Variants in MAP3K4 observed in about 807,000 individuals in gnomAD.
The protein encoded by MAP3K4 is mitogen-activated protein kinase kinase kinase 4, also known as MAP three kinase 1.
In MAP3K4, 67 loss-of-function variants were observed where a neutral mutation model predicts 185.6. That is an observed-to-expected ratio of 0.36 (90% CI 0.30 to 0.44). The LOEUF (loss-of-function observed/expected upper bound fraction) is 0.44, where lower values mean the gene tolerates loss of function less well. Among genes scored for constraint, MAP3K4 ranks in the 20% least tolerant of loss-of-function variants. The pLI is 1.00. For missense variants in MAP3K4, 1,551 were observed against 1,995.1 expected (o/e 0.78, Z 4.24); for synonymous variants, 702 against 710.4 (o/e 0.99, Z 0.19).
rs143918593 is a variant in MAP3K4 at position 161,087,697 on chromosome 6, C to T, written c.2566C>T (p.Pro856Ser). 6 of 1,613,894 alleles carry T rather than the reference C, an allele frequency of 3.7e-6. No individual in the cohort carries two copies. The African/African-American group carries it at 6.7e-5, about 18-fold the overall frequency. ...KSKQYVKVQI[P>S]GLENLQMFVP... The stretch of plus-strand genomic sequence containing the variant: ...ATTATGTCTTTTGCAGGTGCAAATT[C>T]CTGGGTTAGAAAACTTGCAAATGTT... Residue 856 changes from proline to serine, a missense_variant, in exon 10 of 27, where the codon CCT (proline) becomes TCT (serine). By Grantham distance (74) the Pro-to-Ser change is moderately conservative. This residue lies in a region of MAP3K4 where 261 missense variants were observed against 306.5 expected (regional missense o/e 0.85). Transcript: ENST00000392142. The surrounding 1 kb of genome is among the most constrained non-coding windows in gnomAD (Gnocchi z 4.9).
intron 2 of MAP3K4, among the ~76,000 whole-genome samples, chr6:161,041,777 A>C (rs956007245): frequency 6.6e-6 from 1 of 152,042 alleles, no homozygotes; most frequent in Admixed American, 6.5e-5. Flanking sequence ...TTACATAGAG[A>C]GTTGACGAGC....
At chr6:161,030,680 G>A (rs1264216339) in intron 1 of MAP3K4, among the ~76,000 whole-genome samples, 2 of 152,182 alleles carry the variant, frequency 1.3e-5, no homozygotes, top group Non-Finnish European at 2.9e-5. Context: ...CTCCCCAGGT[G>A]CTGGGATTAC....
At chr6:161,001,716 TTGATTGCTAGCAGTAGGATTG>T (rs949103467) in intron 1 of MAP3K4, among the ~76,000 whole-genome samples, 1 of 152,200 alleles carries the variant, frequency 6.6e-6, no homozygotes, top group Non-Finnish European at 1.5e-5. Context: ...ATGTTACCTT[TTGATTGCTAGCAGTAGGATTG>T]TGGGGAAGTA....
In MAP3K4 at chr6:161,096,072, G is replaced by C. The variant is rs1020496562; in HGVS notation, c.3428-1008G>C. ...TGTTACTATTGAATTTCTTCCATTT[G>C]CCATTGTAATAGCTAGGATAATGAA... is the stretch of plus-strand genomic sequence containing the variant. On this transcript the variant is annotated intron_variant, in intron 15 of 26. Transcript: ENST00000392142. The surrounding 1 kb of genome is among the most constrained non-coding windows in gnomAD (Gnocchi z 4.9). 1.3e-5 allele frequency among the ~76,000 whole-genome samples: 2 copies of C among 151,578 alleles called. No homozygotes were observed. The highest frequency in any genetic ancestry group is 1.9e-4 in the East Asian group (1 of 5,138).
intron 1 of MAP3K4, among the ~76,000 whole-genome samples, chr6:161,026,512 A>G (rs1174239854): frequency 1.3e-5 from 2 of 152,064 alleles, no homozygotes; most frequent in African/African-American, 4.8e-5. Context: ...TATCCTCAAG[A>G]CTTTGGATGA....
Position 161,075,504 on chromosome 6 carries a change from G to GA in MAP3K4, c.2097+1898dup, listed in dbSNP as rs977035849. ...AAAATCTTTATCTTGAAAAGTTGTG[G>GA]AAAAAAGCAACAAGCAAATTATTAT... On this transcript the variant is annotated intron_variant, in intron 5 of 26. Coordinates refer to ENST00000392142, the MANE Select transcript of MAP3K4 (RefSeq NM_005922.4). This position sits in a 1 kb window ranked among gnomAD's most constrained non-coding sequence, Gnocchi z 4.3. Among the ~76,000 whole-genome samples, 7 of 152,094 alleles carry GA rather than the reference G, an allele frequency of 4.6e-5. No individual in the cohort carries two copies. The highest frequency in any genetic ancestry group is 3.9e-4 in the Admixed American group (6 of 15,266).
At chr6:161,102,899 C>G (rs1777899923) in intron 19 of MAP3K4, 120 bp downstream of exon 19, 1 of 619,404 alleles carries the variant, frequency 1.6e-6, no homozygotes, top group Non-Finnish European at 2.8e-6. Flanking sequence ...TCCTCCATTA[C>G]TATTTTGTGA....
Position 161,109,544 on chromosome 6 carries a change from T to C in MAP3K4, c.4237-211T>C, listed in dbSNP as rs1301556069. Among the ~76,000 whole-genome samples the C allele has an allele frequency of 6.6e-6, 1 of 152,168 alleles. No homozygotes were observed. Among genetic ancestry groups the C allele is most frequent in the African/African-American group, 2.4e-5 (1 of 41,432 alleles). On this transcript the variant is annotated intron_variant, in intron 22 of 26. Transcript: ENST00000392142. The surrounding 1 kb of genome is among the most constrained non-coding windows in gnomAD (Gnocchi z 5.7). ...GATGTTCTTATCCCCAAGAGCTGTA[T>C]AATTCCAGACAGAGGAGGCAGGCAG...
intron 3 of MAP3K4, among the ~76,000 whole-genome samples, chr6:161,069,507 G>C (rs1053280900): frequency 6.6e-6 from 1 of 152,154 alleles, no homozygotes; most frequent in Non-Finnish European, 1.5e-5. Context: ...CAGCACTGGA[G>C]GGTGAGACTA....
At position 161,108,952 on chromosome 6, in the gene MAP3K4, G is replaced by A; in HGVS notation, c.4236+93G>A. 6.2e-7 allele frequency: 1 copy of A among 1,611,122 alleles called. No individual in the cohort carries two copies. The highest frequency in any genetic ancestry group is 1.3e-5 in the African/African-American group (1 of 74,978). Reference sequence around the variant, plus strand: ...ACATCACAGGTCTTCTCATTTCAGAGCACAGTAACTTTGCCTAATTCTCAG... The same window carrying A: ...ACATCACAGGTCTTCTCATTTCAGAACACAGTAACTTTGCCTAATTCTCAG... On this transcript the variant is annotated intron_variant, in intron 22 of 26. Transcript: ENST00000392142. This position sits in a 1 kb window ranked among gnomAD's most constrained non-coding sequence, Gnocchi z 5.7.
Position 161,108,869 on chromosome 6 carries a change from C to A in MAP3K4, c.4236+10C>A. The A allele has an allele frequency of 1.2e-6, 2 of 1,604,304 alleles. No individual in the cohort carries two copies. Among genetic ancestry groups the A allele is most frequent in the Non-Finnish European group, 1.7e-6 (2 of 1,171,096 alleles). On this transcript the variant is annotated intron_variant, in intron 22 of 26. Coordinates refer to ENST00000392142, the MANE Select transcript of MAP3K4 (RefSeq NM_005922.4). This position sits in a 1 kb window ranked among gnomAD's most constrained non-coding sequence, Gnocchi z 5.7. ...TGTGGAGCTCCATAGAGTAAGCCGA[C>A]CCTAATGCCACTCTTTGTGTGAGGA...
chr6:161,028,768 C>G (rs1360323090), intron 1 of MAP3K4, among the ~76,000 whole-genome samples: 4 of 152,050 alleles, frequency 2.6e-5, no homozygotes, highest in African/African-American at 9.7e-5. Context: ...TGTAAAGACC[C>G]TATGCTCTGA....
intron 1 of MAP3K4, among the ~76,000 whole-genome samples, chr6:160,992,607 A>G (rs577733103): frequency 2.0e-5 from 3 of 152,242 alleles, no homozygotes; most frequent in South Asian, 2.1e-4. Context: ...CACTTAGACT[A>G]TGCAGACAGA....
chr6:160,994,406 G>A (rs1192143247), intron 1 of MAP3K4, among the ~76,000 whole-genome samples: 1 of 152,140 alleles, frequency 6.6e-6, no homozygotes, highest in Non-Finnish European at 1.5e-5. Context: ...CCATTCCTGA[G>A]TGACTTCACT....
rs1487285521 is a variant in MAP3K4, at chr6:161,064,901, T to C, written c.1708-5707T>C. Among the ~76,000 whole-genome samples the C allele has an allele frequency of 6.6e-6, 1 of 152,134 alleles. No individual in the cohort carries two copies. The highest frequency in any genetic ancestry group is 1.5e-5 in the Non-Finnish European group (1 of 68,024). Reference sequence around the variant, plus strand: ...AGAGAGGGAGGGACCCATGGGCCAATGCCTTCGTGGAGTCCAAGGTATTGT... The same window carrying C: ...AGAGAGGGAGGGACCCATGGGCCAACGCCTTCGTGGAGTCCAAGGTATTGT... On this transcript the variant is annotated intron_variant, in intron 3 of 26. Coordinates refer to ENST00000392142, the MANE Select transcript of MAP3K4 (RefSeq NM_005922.4). The surrounding 1 kb of genome is among the most constrained non-coding windows in gnomAD (Gnocchi z 4.3).
Position 161,110,797 on chromosome 6 carries a change from C to G in MAP3K4, c.4396+883C>G, listed in dbSNP as rs117472336. On this transcript the variant is annotated intron_variant, in intron 23 of 26. Transcript: ENST00000392142. This position sits in a 1 kb window ranked among gnomAD's most constrained non-coding sequence, Gnocchi z 4.8. Reference sequence around the variant, plus strand: ...CGGTCTCATTGGCTGCCTGCCTGTCCGCTACCTTGCTTTGGTGTCTGGGGT... The same window carrying G: ...CGGTCTCATTGGCTGCCTGCCTGTCGGCTACCTTGCTTTGGTGTCTGGGGT... Among the ~76,000 whole-genome samples, 1 of 152,186 alleles carries G rather than the reference C, an allele frequency of 6.6e-6. No individual in the cohort carries two copies. Among genetic ancestry groups the G allele is most frequent in the Non-Finnish European group, 1.5e-5 (1 of 68,040 alleles).
At position 161,037,866 on chromosome 6, in the gene MAP3K4, A is replaced by G. The variant is rs1010077344; in HGVS notation, c.343+3417A>G. Among the ~76,000 whole-genome samples, 2 of 152,178 alleles carry G rather than the reference A, an allele frequency of 1.3e-5. No individual in the cohort carries two copies. The highest frequency in any genetic ancestry group is 2.4e-5 in the African/African-American group (1 of 41,452). On this transcript the variant is annotated intron_variant, in intron 2 of 26. Transcript: ENST00000392142. The surrounding 1 kb of genome is among the most constrained non-coding windows in gnomAD (Gnocchi z 4.2). ...GAGTCTTAGATTAAATGATTGTCTCAAGTCGTGTAGCTACTGTTCCTGCTT... is the reference window on the plus strand; with the variant it reads ...GAGTCTTAGATTAAATGATTGTCTCGAGTCGTGTAGCTACTGTTCCTGCTT...
At position 161,090,678 on chromosome 6, in the gene MAP3K4, C is replaced by T. The variant is rs113749148; in HGVS notation, c.2974-701C>T. Among the ~76,000 whole-genome samples, 13 of 48,918 alleles carry T rather than the reference C, an allele frequency of 2.7e-4. 3 individuals carry two copies. Among genetic ancestry groups the T allele is most frequent in the Admixed American group, 2.5e-3 (8 of 3,166 alleles). The allele number at this position is 48,918 out of a possible 152,430, so 32.1% of individuals were successfully genotyped here. On this transcript the variant is annotated intron_variant, in intron 11 of 26. Transcript: ENST00000392142. ...GGCTTCTCAGCCTCTTGGATGTGGA[C>T]GTTTGGGCCCGTAATTCTTGGTCGT... is the stretch of plus-strand genomic sequence containing the variant.
At chr6:161,006,754 A>G (rs9458080) in intron 1 of MAP3K4, among the ~76,000 whole-genome samples, 4,280 of 152,306 alleles carry the variant, frequency 0.028, 132 homozygotes, top group African/African-American at 0.076. Flanking sequence ...CATAGTTACA[A>G]ACAGACACAG....
Sources: gnomAD v4.1 joint callset for allele counts (sites outside exome capture counted in the v4.1 genomes callset) on GRCh38, gnomAD v4.1.1 for gene constraint, gnomAD v4.1.1 regional missense constraint, Gnocchi (gnomAD v3.1) non-coding constraint, MANE v1.5 for transcripts, NCBI Gene and HGNC (gene_info 2026-07-23, HGNC 2026-07-21) for gene names.